The following SWAP70 variants were observed in gnomAD, a reference collection of about 807,000 sequenced individuals.
SWAP70 encodes the protein switching B cell complex subunit SWAP70.
SWAP70 carries 34 observed loss-of-function variants against 80.2 expected under a neutral mutation model. The observed-to-expected ratio is 0.42, with a 90% CI of 0.32 to 0.56. The LOEUF (loss-of-function observed/expected upper bound fraction) is 0.56, where lower values mean the gene tolerates loss of function less well. Ranked by LOEUF, SWAP70 falls within the 20% of genes least tolerant of loss-of-function variation. SWAP70 has a pLI of 0.09. For missense variants in SWAP70, 578 were observed against 690.7 expected (o/e 0.84, Z 1.83); for synonymous variants, 239 against 238.5 (o/e 1.00, Z -0.02).
chr11:9,693,239 G>A (rs1850716906), intron 1 of SWAP70, among the ~76,000 whole-genome samples: 1 of 152,156 alleles, frequency 6.6e-6, no homozygotes, highest in African/African-American at 2.4e-5. Flanking sequence ...AATTTGACCT[G>A]TTCAGAAAGC....
chr11:9,706,659 C>G (rs905864136), intron 2 of SWAP70, among the ~76,000 whole-genome samples: 3 of 151,984 alleles, frequency 2.0e-5, no homozygotes, highest in Non-Finnish European at 2.9e-5. Context: ...ATATGTATAT[C>G]TTAATGTATG....
rs1851551816 is a variant in SWAP70 at position 9,749,169 on chromosome 11, G to A, written c.1637G>A (p.Arg546Gln). ...GTGGCCCATCATGAAGGATTAATTC[G>A]ACTGATAGAACCAGGTAACAGACTC... ...DKVAHHEGLI[R>Q]LIEPGSKNPH... Residue 546 changes from arginine (R) to glutamine (Q), a missense_variant, in exon 11 of 12, where the codon CGA becomes CAA. Physicochemically the swap from Arg to Gln is conservative, Grantham distance 43 (BLOSUM62 1). Coordinates refer to ENST00000318950, the MANE Select transcript of SWAP70 (RefSeq NM_015055.4). 1 of 1,607,398 alleles carries A rather than the reference G, an allele frequency of 6.2e-7. No homozygotes were observed. The highest frequency in any genetic ancestry group is 1.1e-5 in the South Asian group (1 of 90,458).
intron 6 of SWAP70, among the ~76,000 whole-genome samples, chr11:9,731,407 T>C (rs924816376): frequency 6.6e-6 from 1 of 152,182 alleles, no homozygotes; most frequent in Non-Finnish European, 1.5e-5. Context: ...GTGGGGATAA[T>C]AATAGTGCAT....
At chr11:9,746,148 A>T (rs1157717390) in intron 9 of SWAP70, among the ~76,000 whole-genome samples, 1 of 152,178 alleles carries the variant, frequency 6.6e-6, no homozygotes, top group African/African-American at 2.4e-5. Flanking sequence ...AAAGTTCCAG[A>T]AGGAGCATCT....
At chr11:9,716,087 C>G (rs1009285862) in intron 3 of SWAP70, among the ~76,000 whole-genome samples, 4 of 152,134 alleles carry the variant, frequency 2.6e-5, no homozygotes, top group African/African-American at 9.7e-5. Flanking sequence ...TGATACATGT[C>G]CTTTCTTACT....
At chr11:9,666,485 T>G (rs953687542) in intron 1 of SWAP70, among the ~76,000 whole-genome samples, 3 of 152,156 alleles carry the variant, frequency 2.0e-5, no homozygotes, top group East Asian at 3.8e-4. Flanking sequence ...CTTTTCATAG[T>G]GTACTTAGAG....
intron 8 of SWAP70, among the ~76,000 whole-genome samples, chr11:9,738,738 G>A (rs954632444): frequency 1.3e-5 from 2 of 150,760 alleles, no homozygotes; most frequent in Admixed American, 6.6e-5. Context: ...GTACATGCCT[G>A]TAGTTCCAGC....
At chr11:9,723,916 G>A (rs1273060859) in intron 3 of SWAP70, among the ~76,000 whole-genome samples, 1 of 152,072 alleles carries the variant, frequency 6.6e-6, no homozygotes, top group East Asian at 1.9e-4. Context: ...GGGATTACAG[G>A]TGTGCGCCAC....
intron 3 of SWAP70, among the ~76,000 whole-genome samples, chr11:9,718,159 G>GA (rs1326335019): frequency 1.3e-5 from 2 of 152,236 alleles, no homozygotes; most frequent in Non-Finnish European, 2.9e-5. Context: ...TTTGAGAAGT[G>GA]AACAGCCTTT....
In SWAP70 at chr11:9,749,690, G is replaced by T. The variant is rs1205099934; in HGVS notation, c.1652-174G>T. Among the ~76,000 whole-genome samples the T allele has an allele frequency of 4.6e-5, 7 of 152,282 alleles. No individual in the cohort carries two copies. In the South Asian group the frequency reaches 1.5e-3, roughly 32 times the overall value. On this transcript the variant is annotated intron_variant, in intron 11 of 11. Transcript: ENST00000318950. The stretch of plus-strand genomic sequence containing the variant: ...ATCTTATCCCCTAATAGGTAAGAGG[G>T]CCCAGTTAATCCCCTTGGTATACAT...
At chr11:9,701,154 A>AT (rs1484454692) in intron 2 of SWAP70, among the ~76,000 whole-genome samples, 2 of 149,394 alleles carry the variant, frequency 1.3e-5, no homozygotes, top group Non-Finnish European at 1.5e-5. Context: ...TTTACCAAGT[A>AT]TTTTTTCCTT....
At chr11:9,723,200 A>C (rs1016210413) in intron 3 of SWAP70, among the ~76,000 whole-genome samples, 3 of 152,204 alleles carry the variant, frequency 2.0e-5, no homozygotes, top group Non-Finnish European at 2.9e-5. Flanking sequence ...ACCAACCAGG[A>C]GGCCCGACCA....
intron 2 of SWAP70, among the ~76,000 whole-genome samples, chr11:9,704,551 C>A (rs553621543): frequency 7.9e-5 from 12 of 152,082 alleles, no homozygotes; most frequent in African/African-American, 2.9e-4. Flanking sequence ...CGAGCCACCA[C>A]GCCTGGGTAA....
At chr11:9,716,412 A>T (rs964592936) in intron 3 of SWAP70, among the ~76,000 whole-genome samples, 4 of 152,150 alleles carry the variant, frequency 2.6e-5, no homozygotes, top group African/African-American at 9.7e-5. Flanking sequence ...ATAATATAGT[A>T]TATTTGTTTA....
At chr11:9,716,558 C>A (rs564805138) in intron 3 of SWAP70, among the ~76,000 whole-genome samples, 1 of 152,276 alleles carries the variant, frequency 6.6e-6, no homozygotes, top group Admixed American at 6.5e-5. Flanking sequence ...CTTCATTGGA[C>A]TCTGTGAGGA....
intron 6 of SWAP70, among the ~76,000 whole-genome samples, chr11:9,729,784 G>T (rs10743117): frequency 0.55 from 84,173 of 151,900 alleles, 23,632 homozygotes; most frequent in Middle Eastern, 0.74. Flanking sequence ...GAGCCACTAC[G>T]CCTGGCCGAG....
At position 9,751,834 on chromosome 11, in the gene SWAP70, C is replaced by G. The variant is rs1443442683; in HGVS notation, c.*1864C>G. The stretch of plus-strand genomic sequence containing the variant: ...AACTTTAACGGTTTCTTATAGTTGC[C>G]TTTATAAAGTGTATTGTCTAAAATA... On this transcript the variant is annotated 3_prime_UTR_variant, in exon 12 of 12. Coordinates refer to ENST00000318950, the MANE Select transcript of SWAP70 (RefSeq NM_015055.4). The G allele has an allele frequency of 6.6e-6, 1 of 152,112 alleles. No homozygotes were observed. The highest frequency in any genetic ancestry group is 1.9e-4 in the East Asian group (1 of 5,204). The allele number at this position is 152,112 out of a possible 1,614,324, so 9.4% of individuals were successfully genotyped here.
At chr11:9,734,694 C>T (rs1476105763) in intron 7 of SWAP70, among the ~76,000 whole-genome samples, 1 of 152,208 alleles carries the variant, frequency 6.6e-6, no homozygotes, top group Non-Finnish European at 1.5e-5. Context: ...GGCTGGAGTG[C>T]AGTGGTGCCA....
chr11:9,723,247 G>A (rs950524247), intron 3 of SWAP70, among the ~76,000 whole-genome samples: 7 of 152,168 alleles, frequency 4.6e-5, no homozygotes, highest in Admixed American at 6.6e-5. Context: ...GTTCAGAGCT[G>A]CCTGGGACAA....
Sources: gnomAD v4.1 joint callset for allele counts (sites outside exome capture counted in the v4.1 genomes callset) on GRCh38, gnomAD v4.1.1 for gene constraint, MANE v1.5 for transcripts, NCBI Gene and HGNC (gene_info 2026-07-23, HGNC 2026-07-21) for gene names.